MMP2: variants seen among roughly 807,000 people sequenced by gnomAD.
MMP2 encodes matrix metallopeptidase 2, also known as 72 kDa type IV collagenase.
A neutral mutation model predicts 74.8 loss-of-function variants in MMP2; 39 were observed. That is an observed-to-expected ratio of 0.52 (90% CI 0.40 to 0.68). The LOEUF (loss-of-function observed/expected upper bound fraction) is 0.68, where lower values mean the gene tolerates loss of function less well. MMP2 is among the 30% of genes least tolerant of loss of function. The pLI is 0.00. For synonymous variants in MMP2, 367 were observed against 339.8 expected (o/e 1.08, Z -0.88); for missense variants, 803 against 878.3 (o/e 0.91, Z 1.08).
intron 12 of MMP2, among the ~76,000 whole-genome samples, chr16:55,505,087 G>A (rs1439459550): frequency 6.6e-6 from 1 of 151,976 alleles, no homozygotes; most frequent in Non-Finnish European, 1.5e-5. Flanking sequence ...AAGTAGCTTG[G>A]ACTACAGGAA....
intron 7 of MMP2, 56 bp downstream of exon 7, chr16:55,489,880 T>C (rs531435630): frequency 6.9e-6 from 11 of 1,588,030 alleles, no homozygotes; most frequent in Admixed American, 3.5e-5. Context: ...GCCCCTAAAC[T>C]TGCTCCAAAA....
intron 12 of MMP2, 42 bp from the exon 13 acceptor site, chr16:55,505,297 G>A (rs1398984111): frequency 6.5e-7 from 1 of 1,528,336 alleles, no homozygotes. Context: ...GTGCCAGAAT[G>A]TCAGGATAAG....
At chr16:55,497,851 C>T (rs1319211745) in intron 10 of MMP2, among the ~76,000 whole-genome samples, 2 of 152,202 alleles carry the variant, frequency 1.3e-5, no homozygotes, top group African/African-American at 4.8e-5. Context: ...GGTCCCTGTC[C>T]TGGTCTGAGG....
At chr16:55,482,629 G>A (rs76209154) in intron 1 of MMP2, among the ~76,000 whole-genome samples, 20 of 152,292 alleles carry the variant, frequency 1.3e-4, no homozygotes, top group African/African-American at 4.8e-4. Context: ...AGCATTAAAT[G>A]AGTTAACATA....
Position 55,505,736 on chromosome 16 carries a change from T to G in MMP2, c.*294T>G. ...TTTTCAACGCAGCCCTGCTTTGGGC[T>G]GCCCTGGTGCTGCCACACTTCAGGC... On this transcript the variant is annotated 3_prime_UTR_variant, in exon 13 of 13. Coordinates refer to ENST00000219070, the MANE Select transcript of MMP2 (RefSeq NM_004530.6). 1 of 463,102 alleles carries G rather than the reference T, an allele frequency of 2.2e-6. No homozygotes were observed. Among genetic ancestry groups the G allele is most frequent in the Non-Finnish European group, 4.0e-6 (1 of 250,570 alleles). 28.7% of individuals were successfully genotyped at this position (463,102 alleles called of 1,614,324 possible).
At position 55,479,367 on chromosome 16, in the gene MMP2, G is replaced by A; in HGVS notation, c.-113G>A. ...CAAACCCCAGGCCACCGAGCCAGCG[G>A]ACCCTCGGAGCGCAGCCCTGCGCCG... On this transcript the variant is annotated 5_prime_UTR_variant, in exon 1 of 13. Coordinates refer to ENST00000219070, the MANE Select transcript of MMP2 (RefSeq NM_004530.6). 1 of 1,240,576 alleles carries A rather than the reference G, an allele frequency of 8.1e-7. No individual in the cohort carries two copies. The highest frequency in any genetic ancestry group is 1.0e-6 in the Non-Finnish European group (1 of 970,868). The allele number at this position is 1,240,576 out of a possible 1,614,324, so 76.8% of individuals were successfully genotyped here. A position where few individuals can be genotyped will look rare whatever the true frequency, so the allele number is the denominator to read the frequency against.
chr16:55,481,909 CTATTA>C (rs1432341272), intron 1 of MMP2: 3 of 719,508 alleles, frequency 4.2e-6, no homozygotes, highest in Non-Finnish European at 2.6e-6. Flanking sequence ...AGCCATTATT[CTATTA>C]TATTATTATT....
intron 6 of MMP2, among the ~76,000 whole-genome samples, 197 bp from the exon 7 acceptor site, chr16:55,489,454 A>C (rs1485082359): frequency 1.3e-5 from 2 of 150,964 alleles, no homozygotes; most frequent in Non-Finnish European, 3.0e-5. Flanking sequence ...TCTATTTCCC[A>C]TCCATGAAAC....
intron 11 of MMP2, among the ~76,000 whole-genome samples, chr16:55,499,430 C>T (rs1420573085): frequency 5.9e-5 from 9 of 152,244 alleles, no homozygotes; most frequent in Middle Eastern, 6.8e-3. Context: ...CCAAATCAGA[C>T]CCCATGGAAG....
intron 8 of MMP2, among the ~76,000 whole-genome samples, 175 bp downstream of exon 8, chr16:55,492,131 A>G (rs1485895092): frequency 6.6e-6 from 1 of 152,158 alleles, no homozygotes; most frequent in Admixed American, 6.5e-5. Context: ...CAGCTCTCCA[A>G]GGGGATACTT....
rs369694784 is a variant in MMP2, at chr16:55,505,651, G to A, written c.*209G>A. The A allele has an allele frequency of 1.3e-5, 8 of 601,250 alleles. No individual in the cohort carries two copies. Among genetic ancestry groups the A allele is most frequent in the East Asian group, 2.8e-5 (1 of 35,514 alleles). 37.2% of individuals were successfully genotyped at this position (601,250 alleles called of 1,614,324 possible). ...GATGCTGACTGTACTCCTCCCAGGC[G>A]CCCCTTCCCCCTCCAATCCCACCAA... On this transcript the variant is annotated 3_prime_UTR_variant, in exon 13 of 13. Coordinates refer to ENST00000219070, the MANE Select transcript of MMP2 (RefSeq NM_004530.6).
In MMP2 at chr16:55,479,394, G is replaced by T; in HGVS notation, c.-86G>T. 4 of 1,351,230 alleles carry T rather than the reference G, an allele frequency of 3.0e-6. No homozygotes were observed. Among genetic ancestry groups the T allele is most frequent in the Non-Finnish European group, 3.8e-6 (4 of 1,054,946 alleles). The allele number at this position is 1,351,230 out of a possible 1,614,324, so 83.7% of individuals were successfully genotyped here. On this transcript the variant is annotated 5_prime_UTR_variant, in exon 1 of 13. Transcript: ENST00000219070. ...CCCTCGGAGCGCAGCCCTGCGCCGC[G>T]GAGCAGGCTCCAACCAGGCGGCGAG...
rs112329948 is a variant in MMP2 at position 55,505,336 on chromosome 16, C to G, written c.1880-3C>G. On this transcript the variant is annotated splice_polypyrimidine_tract_variant and splice_region_variant and intron_variant, in intron 12 of 12. Coordinates refer to ENST00000219070, the MANE Select transcript of MMP2 (RefSeq NM_004530.6). ...GTCACGGTCTCTTCTTTCTCTATCCCAGGTCACAGCTACTTCTTCAAGGGT... is the reference window on the plus strand; with the variant it reads ...GTCACGGTCTCTTCTTTCTCTATCCGAGGTCACAGCTACTTCTTCAAGGGT... The G allele has an allele frequency of 6.2e-7, 1 of 1,612,682 alleles. No homozygotes were observed. Among genetic ancestry groups the G allele is most frequent in the Admixed American group, 1.7e-5 (1 of 59,994 alleles).
rs183272313 is a variant in MMP2, at chr16:55,506,617, G to A, written c.*1175G>A. ...TTTCTATGTGCAAGGCACTTTTCACGTGTCACCTATTTTAACCTTTCCAAC... is the reference window on the plus strand; with the variant it reads ...TTTCTATGTGCAAGGCACTTTTCACATGTCACCTATTTTAACCTTTCCAAC... On this transcript the variant is annotated 3_prime_UTR_variant, in exon 13 of 13. Transcript: ENST00000219070. The A allele has an allele frequency of 3.9e-5, 6 of 152,254 alleles. No individual in the cohort carries two copies. The highest frequency in any genetic ancestry group is 5.9e-5 in the Non-Finnish European group (4 of 68,028). 9.4% of individuals were successfully genotyped at this position (152,254 alleles called of 1,614,324 possible).
chr16:55,486,421 CTT>C (rs1962263560), intron 5 of MMP2, among the ~76,000 whole-genome samples: 1 of 150,652 alleles, frequency 6.6e-6, no homozygotes, highest in East Asian at 1.9e-4. Flanking sequence ...ATCTGCCTCT[CTT>C]GGGCACTGTC....
chr16:55,484,414 C>A (rs1962189291), intron 3 of MMP2, among the ~76,000 whole-genome samples: 1 of 152,120 alleles, frequency 6.6e-6, no homozygotes, highest in Admixed American at 6.5e-5. Context: ...AGCAAGTGGT[C>A]TACTGTGCTG....
intron 6 of MMP2, among the ~76,000 whole-genome samples, chr16:55,489,296 G>A (rs1395075955): frequency 2.6e-5 from 4 of 152,212 alleles, no homozygotes; most frequent in Non-Finnish European, 5.9e-5. Context: ...GGTGCCATCA[G>A]CTTCATCCAA....
At position 55,479,277 on chromosome 16, in the gene MMP2, TGCGGCGGCG is replaced by T. The variant is rs567092201; in HGVS notation, c.-189_-181del. On this transcript the variant is annotated 5_prime_UTR_variant, in exon 1 of 13. Transcript: ENST00000219070. ...AACATACAAAGGGATTGCCAGGACC[TGCGGCGGCG>T]GCGGCGGCGGCGGGGGCTGGGGCGC... 7.5e-6 allele frequency: 3 copies of T among 401,294 alleles called. No homozygotes were observed. The highest frequency in any genetic ancestry group is 8.1e-6 in the Non-Finnish European group (2 of 247,386). 24.9% of individuals were successfully genotyped at this position (401,294 alleles called of 1,614,324 possible).
At chr16:55,499,179 A>AAAG (rs1555493127) in intron 11 of MMP2, among the ~76,000 whole-genome samples, 4 of 151,610 alleles carry the variant, frequency 2.6e-5, no homozygotes, top group African/African-American at 9.7e-5. Flanking sequence ...AAAAAAAAAA[A>AAAG]AAAGAAAAAA....
Sources: allele counts gnomAD v4.1 joint callset (sites outside exome capture counted in the v4.1 genomes callset), GRCh38; gene constraint gnomAD v4.1.1; transcripts MANE v1.5; gene names NCBI Gene and HGNC (gene_info 2026-07-23, HGNC 2026-07-21).